The following MYOM2 variants were observed in gnomAD, a reference collection of about 807,000 sequenced individuals.
MYOM2 encodes the protein myomesin 2, also known as myomesin-2.
MYOM2 carries 254 observed loss-of-function variants against 187.6 expected under a neutral mutation model. The ratio of observed to expected loss-of-function variants is 1.35; its 90% confidence interval spans 1.22 to 1.50. The LOEUF (loss-of-function observed/expected upper bound fraction) is 1.50, where lower values mean the gene tolerates loss of function less well. Among genes scored for constraint, MYOM2 ranks in the 40% most tolerant of loss-of-function variants. MYOM2 has a pLI of 0.00. For synonymous variants in MYOM2, 981 were observed against 753.8 expected, an observed-to-expected ratio of 1.30 and a Z score of -4.94; for missense variants, 2,796 against 1,924.0, an observed-to-expected ratio of 1.45 and a Z score of -8.48.
rs1365895993 is a variant in MYOM2 at position 2,109,472 on chromosome 8, T to TTA, written c.3123_3124dup (p.Ser1042TyrfsTer36). 6.2e-7 allele frequency: 1 copy of TTA among 1,613,516 alleles called. No individual in the cohort carries two copies. On this transcript the variant is annotated frameshift_variant, in exon 25 of 37. Transcript: ENST00000262113. LOFTEE classifies it high-confidence loss of function. The stretch of plus-strand genomic sequence containing the variant: ...TCGCTTCTGGCTCCAGGCTGAGCAC[T>TTA]TATCACCAGATGCCAGCTACCGATT...
intron 31 of MYOM2, among the ~76,000 whole-genome samples, chr8:2,126,882 ATT>A (rs1412427375): frequency 8.3e-6 from 1 of 120,108 alleles, no homozygotes; most frequent in East Asian, 3.0e-4. Context: ...CTGAGGGAGC[ATT>A]GAGAGAGGCT....
chr8:2,067,421 C>T (rs1281659503), intron 6 of MYOM2, among the ~76,000 whole-genome samples: 1 of 152,132 alleles, frequency 6.6e-6, no homozygotes, highest in Non-Finnish European at 1.5e-5. Context: ...TCACGTGGAC[C>T]TTGTTTACCT....
rs567098674 is a variant in MYOM2 at position 2,057,956 on chromosome 8, A to AT, written c.560+181dup. ...CGTTCACTTTAACTCATATGCAAAC[A>AT]TTTTTATTTTCATGACATTGAGTCA... On this transcript the variant is annotated intron_variant, in intron 5 of 36. Coordinates refer to ENST00000262113, the MANE Select transcript of MYOM2 (RefSeq NM_003970.4). Among the ~76,000 whole-genome samples the AT allele has an allele frequency of 3.6e-3, 475 of 130,792 alleles. 7 individuals are homozygous for AT. The highest frequency in any genetic ancestry group is 6.4e-3 in the Non-Finnish European group (395 of 62,048). 85.8% of individuals were successfully genotyped at this position (130,792 alleles called of 152,430 possible).
intron 15 of MYOM2, among the ~76,000 whole-genome samples, chr8:2,091,189 T>A (rs1796291131): frequency 6.6e-6 from 1 of 152,136 alleles, no homozygotes; most frequent in Non-Finnish European, 1.5e-5. Flanking sequence ...TGTTGTCTTT[T>A]TTTAATTAAT....
chr8:2,121,195 C>T (rs1414830922), intron 28 of MYOM2, among the ~76,000 whole-genome samples: 1 of 152,134 alleles, frequency 6.6e-6, no homozygotes, highest in Non-Finnish European at 1.5e-5. Context: ...TAGACATCAG[C>T]ACTGCAAAAA....
intron 14 of MYOM2, among the ~76,000 whole-genome samples, chr8:2,088,044 T>G (rs1406033819): frequency 1.3e-5 from 2 of 152,128 alleles, no homozygotes; most frequent in African/African-American, 4.8e-5. Context: ...CTTTTTTTTT[T>G]GTAATTTTTA....
chr8:2,116,594 AC>A (rs1797253025), intron 27 of MYOM2, among the ~76,000 whole-genome samples: 1 of 152,196 alleles, frequency 6.6e-6, no homozygotes. Flanking sequence ...TATTCCTATC[AC>A]CAGGAAATTG....
chr8:2,123,490 T>A (rs1268577894), intron 29 of MYOM2, 65 bp from the exon 30 acceptor site: 3 of 1,496,868 alleles, frequency 2.0e-6, no homozygotes, highest in Non-Finnish European at 2.8e-6. Context: ...TGTATTAGAG[T>A]TTATTACGTT....
At position 2,127,956 on chromosome 8, in the gene MYOM2, C is replaced by T. The variant is rs1390243834; in HGVS notation, c.3695-1171C>T. The T allele has an allele frequency of 2.6e-5, 4 of 152,408 alleles. No individual in the cohort carries two copies. In the East Asian group the frequency reaches 7.7e-4, roughly 29 times the overall value. 9.4% of individuals were successfully genotyped at this position (152,408 alleles called of 1,614,324 possible). On this transcript the variant is annotated intron_variant, in intron 31 of 36. Coordinates refer to ENST00000262113, the MANE Select transcript of MYOM2 (RefSeq NM_003970.4). ...AAGAGCTTCACCATCATAACAGTTT[C>T]TATTTTGGTTTCTATTTCTTTACAT...
intron 23 of MYOM2, among the ~76,000 whole-genome samples, chr8:2,107,128 C>T (rs113220665): frequency 0.02 from 2,984 of 152,220 alleles, 49 homozygotes; most frequent in Middle Eastern, 0.034. Flanking sequence ...TAGATAGGTT[C>T]ACAGGTCTGA....
intron 20 of MYOM2, among the ~76,000 whole-genome samples, chr8:2,101,451 A>C (rs11136465): frequency 0.43 from 65,485 of 152,148 alleles, 14,246 homozygotes; most frequent in East Asian, 0.5. Flanking sequence ...AGTGCTGTTG[A>C]TCTCTGCGCA....
At chr8:2,134,616 C>A (rs1057309486) in intron 32 of MYOM2, among the ~76,000 whole-genome samples, 7 of 150,838 alleles carry the variant, frequency 4.6e-5, no homozygotes, top group Non-Finnish European at 7.4e-5. Flanking sequence ...TGCTGGGAGG[C>A]GCTGGCCTCT....
chr8:2,124,397 C>T (rs189009212), intron 31 of MYOM2, among the ~76,000 whole-genome samples, 180 bp downstream of exon 31: 152 of 152,244 alleles, frequency 1.0e-3, no homozygotes, highest in African/African-American at 3.5e-3. Flanking sequence ...AAAGGACTTC[C>T]CTCAGTTTTG....
rs141579417 is a variant in MYOM2 at position 2,123,325 on chromosome 8, C to G, written c.3527C>G (p.Pro1176Arg). The G allele has an allele frequency of 1.5e-4, 250 of 1,613,896 alleles. No homozygotes were observed. The highest frequency in any genetic ancestry group is 2.7e-5 in the Non-Finnish European group (32 of 1,179,976). ...DDVLYETETL[P>R]NLERGICELL... ...GTTCTGTATGAAACGGAGACACTGC[C>G]TAACCTGGAGAGGGGAATCTGTGAG... is the stretch of plus-strand genomic sequence containing the variant. Residue 1176 changes from proline to arginine, a missense_variant, in exon 29 of 37, where the codon CCT becomes CGT. Transcript: ENST00000262113.
At chr8:2,069,891 A>G (rs939391413) in intron 8 of MYOM2, among the ~76,000 whole-genome samples, 21 of 152,258 alleles carry the variant, frequency 1.4e-4, no homozygotes, top group African/African-American at 4.8e-4. Flanking sequence ...TGAATGCATC[A>G]TGTTGCTGTT....
chr8:2,077,636 C>A (rs550558249), intron 11 of MYOM2, among the ~76,000 whole-genome samples: 3 of 152,128 alleles, frequency 2.0e-5, no homozygotes. Context: ...ACCCTCAAAA[C>A]GATCTTCTTT....
At chr8:2,069,547 A>G (rs1436078576) in intron 8 of MYOM2, 50 bp downstream of exon 8, 6 of 1,599,568 alleles carry the variant, frequency 3.8e-6, no homozygotes, top group South Asian at 1.1e-5. Context: ...TTAGTGACAT[A>G]GCAGACAATT....
intron 6 of MYOM2, among the ~76,000 whole-genome samples, chr8:2,066,570 A>G (rs749056487): frequency 6.6e-6 from 1 of 152,242 alleles, no homozygotes; most frequent in Non-Finnish European, 1.5e-5. Context: ...TAACATGAGC[A>G]CAAAGTAAAC....
chr8:2,119,329 A>C (rs972875794), intron 28 of MYOM2: 2 of 152,382 alleles, frequency 1.3e-5, no homozygotes, highest in Non-Finnish European at 1.5e-5. Context: ...AGATTGTCAG[A>C]GGAGAAGAGG....
Sources: allele counts gnomAD v4.1 joint callset (sites outside exome capture counted in the v4.1 genomes callset), GRCh38; gene constraint gnomAD v4.1.1; transcripts MANE v1.5; gene names NCBI Gene and HGNC (gene_info 2026-07-23, HGNC 2026-07-21).